GBP7: variants seen among roughly 807,000 people sequenced by gnomAD.
GBP7 encodes the protein guanylate binding protein 7, also known as guanylate-binding protein 7.
In GBP7, 43 loss-of-function variants were observed where a neutral mutation model predicts 61.3. The observed-to-expected ratio is 0.70, with a 90% CI of 0.55 to 0.91. The LOEUF is 0.91. GBP7 is among the 40% of genes least tolerant of loss of function. The probability of loss-of-function intolerance (pLI) is 0.00; values close to 1 mark genes in which losing one functional copy is unlikely to be tolerated. For missense variants in GBP7, 717 were observed against 740.5 expected, an observed-to-expected ratio of 0.97 and a Z score of 0.37; for synonymous variants, 267 against 271.0, an observed-to-expected ratio of 0.99 and a Z score of 0.14.
intron 8 of GBP7, among the ~76,000 whole-genome samples, chr1:89,142,987 T>C (rs1681988035): frequency 1.3e-5 from 2 of 152,244 alleles, no homozygotes; most frequent in Non-Finnish European, 2.9e-5. Flanking sequence ...TTTGGTGCTA[T>C]TGTGAATGAT....
rs534202755 is a variant in GBP7, at chr1:89,132,019, T to G, written c.*130A>C. The stretch of plus-strand genomic sequence containing the variant: ...ACTTTAGTCAAAATTAAGTTTGTTT[T>G]TATGAACTTCAGGCCATAATATTCT... On this transcript the variant is annotated 3_prime_UTR_variant, in exon 11 of 11. Coordinates refer to ENST00000294671, the MANE Select transcript of GBP7 (RefSeq NM_207398.3). 4.9e-6 allele frequency: 3 copies of G among 612,966 alleles called. No homozygotes were observed. Among genetic ancestry groups the G allele is most frequent in the Non-Finnish European group, 7.9e-6 (3 of 381,710 alleles). The allele number at this position is 612,966 out of a possible 1,614,324, so 38.0% of individuals were successfully genotyped here. A position where few individuals can be genotyped will look rare whatever the true frequency, so the allele number is the denominator to read the frequency against.
intron 3 of GBP7, among the ~76,000 whole-genome samples, chr1:89,155,721 CTCTG>C (rs1200600980): frequency 6.6e-6 from 1 of 152,194 alleles, no homozygotes; most frequent in Admixed American, 6.5e-5. Flanking sequence ...AAGACCAAAT[CTCTG>C]TCTGACTGGT....
At chr1:89,152,142 C>T (rs1433673110) in intron 5 of GBP7, 126 bp downstream of exon 5, 4 of 745,110 alleles carry the variant, frequency 5.4e-6, no homozygotes, top group Non-Finnish European at 8.4e-6. Context: ...TTATCAATCA[C>T]CAACCACCAT....
chr1:89,137,414 C>T (rs985551890), intron 9 of GBP7, among the ~76,000 whole-genome samples: 7 of 152,062 alleles, frequency 4.6e-5, no homozygotes, highest in Non-Finnish European at 7.4e-5. Context: ...CAACAAAATA[C>T]TAGCAAACCA....
chr1:89,170,585 C>T (rs762821301), intron 2 of GBP7, among the ~76,000 whole-genome samples: 1 of 152,140 alleles, frequency 6.6e-6, no homozygotes, highest in Non-Finnish European at 1.5e-5. Context: ...CACTAGGGAA[C>T]ACAAAGTATA....
chr1:89,172,992 A>G (rs1185232238), intron 1 of GBP7, among the ~76,000 whole-genome samples: 3 of 152,082 alleles, frequency 2.0e-5, no homozygotes, highest in South Asian at 2.1e-4. Context: ...TTTACTGTCA[A>G]TATTTGTTCT....
At chr1:89,155,359 A>G (rs1682294652) in intron 3 of GBP7, among the ~76,000 whole-genome samples, 1 of 152,254 alleles carries the variant, frequency 6.6e-6, no homozygotes. Flanking sequence ...AATGACTTTG[A>G]CAAGTTGAGA....
In GBP7 at chr1:89,150,492, C is replaced by T. The variant is rs1406441084; in HGVS notation, c.709G>A (p.Asp237Asn). The change falls in exon 6 of 11, where the codon GAC becomes AAC. Residue 237 changes from aspartate to asparagine, a missense_variant. By Grantham distance (23) the Asp-to-Asn change is conservative. Transcript: ENST00000294671. ...FFPKQKCFVFDRPINDKKLLL... is the reference protein window; with the variant it reads ...FFPKQKCFVFNRPINDKKLLL... ...AGTTTTTTGTCATTTATTGGCCGGT[C>T]AAAGACAAAGCACTTCTGTTTTGGA... 6 of 1,613,982 alleles carry T rather than the reference C, an allele frequency of 3.7e-6. No individual in the cohort carries two copies. In the Middle Eastern group the frequency reaches 8.2e-4, roughly 222 times the overall value.
intron 8 of GBP7, among the ~76,000 whole-genome samples, chr1:89,146,906 A>G (rs1173409825): frequency 9.8e-5 from 15 of 152,320 alleles, no homozygotes; most frequent in Admixed American, 7.2e-4. Context: ...TTCAAAAAGG[A>G]AAATCCTGAG....
intron 3 of GBP7, among the ~76,000 whole-genome samples, chr1:89,160,545 G>A (rs911508943): frequency 3.3e-5 from 5 of 152,084 alleles, no homozygotes; most frequent in Admixed American, 6.6e-5. Flanking sequence ...CTTATCTGTC[G>A]AGTAGGGATA....
rs1206561755 is a variant in GBP7 at position 89,152,795 on chromosome 1, A to G, written c.319-18T>C. The G allele has an allele frequency of 3.8e-6, 6 of 1,576,278 alleles. No homozygotes were observed. Among genetic ancestry groups the G allele is most frequent in the South Asian group, 3.6e-5 (3 of 83,524 alleles). On this transcript the variant is annotated intron_variant, in intron 3 of 10. Coordinates refer to ENST00000294671, the MANE Select transcript of GBP7 (RefSeq NM_207398.3). ...GGGTCACTCTAGTGTTAAAGAAAAA[A>G]AAAAAAAAAATGGAAGCCACAGTTT... is the stretch of plus-strand genomic sequence containing the variant.
intron 2 of GBP7, among the ~76,000 whole-genome samples, chr1:89,167,452 C>G (rs1647475341): frequency 6.6e-6 from 1 of 150,846 alleles, no homozygotes. Flanking sequence ...TTTGTTTTAA[C>G]TTCTGCATGC....
At chr1:89,147,529 T>C in intron 8 of GBP7, 38 bp downstream of exon 8, 12 of 1,521,274 alleles carry the variant, frequency 7.9e-6, no homozygotes, top group Non-Finnish European at 1.1e-5. Flanking sequence ...CCTCTGACTA[T>C]CCTCTGTCAT....
intron 2 of GBP7, among the ~76,000 whole-genome samples, chr1:89,168,082 C>T (rs1647491560): frequency 6.6e-6 from 1 of 152,154 alleles, no homozygotes; most frequent in Admixed American, 6.5e-5. Flanking sequence ...AAGAACTGCA[C>T]TTTAAGAAGA....
Position 89,133,394 on chromosome 1 carries a change from T to C in GBP7, c.1526A>G (p.Gln509Arg), listed in dbSNP as rs773066245. The C allele has an allele frequency of 4.4e-5, 71 of 1,613,996 alleles. No homozygotes were observed. The highest frequency in any genetic ancestry group is 5.7e-5 in the Non-Finnish European group (67 of 1,179,998). ...CTCCATCATTTGCTGCTGTTCCTTC[T>C]GTTTTTGTCTTAGCAGCTCCTGTTC... is the stretch of plus-strand genomic sequence containing the variant. ...EKEQELLRQK[Q>R]KEQQQMMEAQ... Residue 509 changes from glutamine to arginine, a missense_variant, in exon 10 of 11, where the codon CAG (glutamine) becomes CGG (arginine). Physicochemically the swap from Gln to Arg is conservative, Grantham distance 43 (BLOSUM62 1). Transcript: ENST00000294671.
At chr1:89,135,102 A>G (rs1681767931) in intron 9 of GBP7, among the ~76,000 whole-genome samples, 1 of 152,234 alleles carries the variant, frequency 6.6e-6, no homozygotes, top group African/African-American at 2.4e-5. Flanking sequence ...ATAATCTCAG[A>G]GCTCAAAAAC....
In GBP7 at chr1:89,168,974, T is replaced by TA. The variant is rs374172595; in HGVS notation, c.190+2771dup. Among the ~76,000 whole-genome samples the TA allele has an allele frequency of 3.4e-4, 23 of 68,410 alleles. 1 individual carries two copies. In the East Asian group the frequency reaches 8.0e-3, roughly 24 times the overall value. 44.9% of individuals were successfully genotyped at this position (68,410 alleles called of 152,430 possible). ...ACAAGAGCGAAACTCCGCCTCAAGTTAAAAAAAAAACAAAAAACAAAAAAA... is the reference window on the plus strand; with the variant it reads ...ACAAGAGCGAAACTCCGCCTCAAGTTAAAAAAAAAAACAAAAAACAAAAAAA... On this transcript the variant is annotated intron_variant, in intron 2 of 10. Transcript: ENST00000294671.
At chr1:89,140,140 A>G (rs1016861313) in intron 9 of GBP7, among the ~76,000 whole-genome samples, 1 of 152,062 alleles carries the variant, frequency 6.6e-6, no homozygotes, top group African/African-American at 2.4e-5. Context: ...TGTCCTTTAT[A>G]GGGACATGGA....
At chr1:89,170,742 T>C (rs1647574584) in intron 2 of GBP7, among the ~76,000 whole-genome samples, 1 of 152,204 alleles carries the variant, frequency 6.6e-6, no homozygotes, top group Non-Finnish European at 1.5e-5. Flanking sequence ...AGGGCTTTCA[T>C]GTATACTTTC....
Sources: allele counts gnomAD v4.1 joint callset (sites outside exome capture counted in the v4.1 genomes callset), GRCh38; gene constraint gnomAD v4.1.1; transcripts MANE v1.5; gene names NCBI Gene and HGNC (gene_info 2026-07-23, HGNC 2026-07-21).